GABRG1: variants seen among roughly 807,000 people sequenced by gnomAD.
The protein encoded by GABRG1 is gamma-aminobutyric acid type A receptor subunit gamma1.
Under a neutral mutation model 49.8 loss-of-function variants are expected in GABRG1, and 49 were observed. That is an observed-to-expected ratio of 0.98 (90% CI 0.78 to 1.25). The LOEUF (loss-of-function observed/expected upper bound fraction) is 1.25, where lower values mean the gene tolerates loss of function less well. Ranked by LOEUF, GABRG1 falls within the 50% of genes most tolerant of loss-of-function variation. The pLI, the probability that GABRG1 is intolerant of heterozygous loss-of-function variation, is 0.00. For missense variants in GABRG1, 552 were observed against 552.3 expected (o/e 1.00, Z 0.01); for synonymous variants, 232 against 185.1 (o/e 1.25, Z -2.06).
Position 46,123,928 on chromosome 4 carries a change from T to G in GABRG1, c.-15A>C. The G allele has an allele frequency of 6.3e-7, 1 of 1,591,834 alleles. No individual in the cohort carries two copies. The highest frequency in any genetic ancestry group is 2.2e-5 in the East Asian group (1 of 44,624). The stretch of plus-strand genomic sequence containing the variant: ...AAAGGACCCATCGGAATCGCTTTTT[T>G]ACGTGTGCTGCACTAGCTCAATTCT... On this transcript the variant is annotated 5_prime_UTR_variant, in exon 1 of 9. Coordinates refer to ENST00000295452, the MANE Select transcript of GABRG1 (RefSeq NM_173536.4).
chr4:46,083,518 T>C (rs556372149), intron 3 of GABRG1, among the ~76,000 whole-genome samples: 2 of 151,880 alleles, frequency 1.3e-5, no homozygotes, highest in African/African-American at 2.4e-5. Flanking sequence ...TCCTTAAATA[T>C]CCCTTTTGCC....
chr4:46,073,275 T>A (rs916036933), intron 3 of GABRG1, among the ~76,000 whole-genome samples: 1 of 152,020 alleles, frequency 6.6e-6, no homozygotes, highest in African/African-American at 2.4e-5. Flanking sequence ...CTCTATCTTC[T>A]CATTTTTTCC....
chr4:46,103,306 T>C (rs965026373), intron 1 of GABRG1, among the ~76,000 whole-genome samples: 16 of 133,678 alleles, frequency 1.2e-4, no homozygotes, highest in African/African-American at 3.4e-4. Context: ...ACATACTTCA[T>C]TGGAAAAAAA....
Position 46,092,503 on chromosome 4 carries a change from AAAAGG to A in GABRG1, c.253+4693_253+4697del, listed in dbSNP as rs1720025009. Among the ~76,000 whole-genome samples, 3 of 152,152 alleles carry A rather than the reference AAAAGG, an allele frequency of 2.0e-5. No homozygotes were observed. The East Asian group carries it at 5.8e-4, about 30-fold the overall frequency. Reference sequence around the variant, plus strand: ...AACTGCAAATATTTAATGAATTCAAAAAAGGAAAGAATAGAGAAAAATATAAGCAA... The same window carrying A: ...AACTGCAAATATTTAATGAATTCAAAAAAGAATAGAGAAAAATATAAGCAA... On this transcript the variant is annotated intron_variant, in intron 2 of 8. Coordinates refer to ENST00000295452, the MANE Select transcript of GABRG1 (RefSeq NM_173536.4).
intron 3 of GABRG1, among the ~76,000 whole-genome samples, chr4:46,073,269 A>G (rs952197274): frequency 2.6e-5 from 4 of 151,856 alleles, no homozygotes; most frequent in African/African-American, 9.7e-5. Flanking sequence ...GCCAAGCTCT[A>G]TCTTCTCATT....
intron 8 of GABRG1, among the ~76,000 whole-genome samples, chr4:46,043,030 G>T (rs974387992): frequency 1.3e-5 from 2 of 151,712 alleles, no homozygotes; most frequent in African/African-American, 4.8e-5. Flanking sequence ...GAGACGAATT[G>T]GTACCTATTT....
intron 8 of GABRG1, among the ~76,000 whole-genome samples, chr4:46,046,562 C>T (rs1718007058): frequency 6.6e-6 from 1 of 152,034 alleles, no homozygotes; most frequent in South Asian, 2.1e-4. Flanking sequence ...TACAGCTTTT[C>T]ATTATTTTAG....
At chr4:46,119,930 A>T (rs1054043994) in intron 1 of GABRG1, among the ~76,000 whole-genome samples, 1 of 151,706 alleles carries the variant, frequency 6.6e-6, no homozygotes, top group African/African-American at 2.4e-5. Flanking sequence ...ATCATAATAG[A>T]ATAACTATAA....
rs150011777 is a variant in GABRG1 at position 46,077,043 on chromosome 4, T to C, written c.321+6943A>G. On this transcript the variant is annotated intron_variant, in intron 3 of 8. Coordinates refer to ENST00000295452, the MANE Select transcript of GABRG1 (RefSeq NM_173536.4). The stretch of plus-strand genomic sequence containing the variant: ...CATTTAACGGATTTCTTAAAAGTAA[T>C]GACATAGTATATCATTACTTTTAAA... Among the ~76,000 whole-genome samples the C allele has an allele frequency of 8.1e-4, 121 of 149,808 alleles. 1 individual carries two copies. Among genetic ancestry groups the C allele is most frequent in the African/African-American group, 2.8e-3 (114 of 40,790 alleles).
chr4:46,097,385 G>T (rs757849610), intron 1 of GABRG1, 36 bp from the exon 2 acceptor site: 1 of 1,570,810 alleles, frequency 6.4e-7, no homozygotes, highest in Non-Finnish European at 8.6e-7. Flanking sequence ...ATGGTAGAAG[G>T]TTCAATCAAA....
chr4:46,119,310 T>A (rs971853030), intron 1 of GABRG1, among the ~76,000 whole-genome samples: 2 of 151,564 alleles, frequency 1.3e-5, no homozygotes, highest in South Asian at 2.1e-4. Context: ...CTTTAAAAAA[T>A]TTATCAACAC....
chr4:46,112,640 A>C (rs962313467), intron 1 of GABRG1, among the ~76,000 whole-genome samples: 1 of 151,088 alleles, frequency 6.6e-6, no homozygotes, highest in African/African-American at 2.4e-5. Context: ...TAAACACTAC[A>C]TAGCCATAAA....
chr4:46,072,596 T>A (rs1372748017), intron 3 of GABRG1, among the ~76,000 whole-genome samples: 1 of 152,082 alleles, frequency 6.6e-6, no homozygotes, highest in Non-Finnish European at 1.5e-5. Context: ...TGCTTCATAT[T>A]TCTCAATTGA....
chr4:46,088,363 A>C (rs1289130049), intron 2 of GABRG1, among the ~76,000 whole-genome samples: 2 of 152,160 alleles, frequency 1.3e-5, no homozygotes, highest in African/African-American at 4.8e-5. Context: ...CTAGAAGATA[A>C]GTTTTTTTAC....
chr4:46,058,282 G>C lies in GABRG1; in HGVS notation c.851C>G (p.Thr284Arg), dbSNP rs1354596693. The change falls in exon 7 of 9, where the codon ACA (threonine) becomes AGA (arginine). Residue 284 changes from threonine (T) to arginine (R), a missense_variant. Thr to Arg is a moderately conservative substitution (Grantham distance 71, BLOSUM62 -1). Coordinates refer to ENST00000295452, the MANE Select transcript of GABRG1 (RefSeq NM_173536.4). ...AAAAGACACCCAAGAAAGAACAACT[G>C]TCAGAATGCATGGAATGTAGGTCTG... ...TIQTYIPCIL[T>R]VVLSWVSFWI... 1 of 1,613,112 alleles carries C rather than the reference G, an allele frequency of 6.2e-7. No individual in the cohort carries two copies. Among genetic ancestry groups the C allele is most frequent in the Non-Finnish European group, 8.5e-7 (1 of 1,179,508 alleles).
intron 1 of GABRG1, among the ~76,000 whole-genome samples, chr4:46,108,541 G>A (rs528963604): frequency 6.6e-6 from 1 of 150,972 alleles, no homozygotes. Context: ...TTTTGTGCTA[G>A]GATTCTGAAC....
chr4:46,059,711 C>A (rs1389754013), intron 5 of GABRG1, among the ~76,000 whole-genome samples: 1 of 152,114 alleles, frequency 6.6e-6, no homozygotes, highest in Non-Finnish European at 1.5e-5. Context: ...CCACGCCTAG[C>A]CACTAGCATA....
chr4:46,084,195 T>G, intron 2 of GABRG1, 142 bp from the exon 3 acceptor site: 1 of 592,926 alleles, frequency 1.7e-6, no homozygotes, highest in Non-Finnish European at 3.0e-6. Flanking sequence ...AATGCAGAAA[T>G]GTAGCCTTTA....
At chr4:46,110,521 C>T (rs995401847) in intron 1 of GABRG1, among the ~76,000 whole-genome samples, 1 of 150,962 alleles carries the variant, frequency 6.6e-6, no homozygotes, top group Admixed American at 6.6e-5. Context: ...CAGCACCACC[C>T]TAATACCAAA....
Sources: gnomAD v4.1 joint callset for allele counts (sites outside exome capture counted in the v4.1 genomes callset) on GRCh38, gnomAD v4.1.1 for gene constraint, MANE v1.5 for transcripts, NCBI Gene and HGNC (gene_info 2026-07-23, HGNC 2026-07-21) for gene names.